ALKBH5: variants seen among roughly 807,000 people sequenced by gnomAD.
ALKBH5 encodes RNA demethylase ALKBH5.
ALKBH5 carries 2 observed loss-of-function variants against 32.1 expected under a neutral mutation model. That is an observed-to-expected ratio of 0.06 (90% confidence interval 0.03 to 0.20). The LOEUF (loss-of-function observed/expected upper bound fraction) is 0.20, where lower values mean the gene tolerates loss of function less well. ALKBH5 is among the 10% of genes least tolerant of loss of function. The probability of loss-of-function intolerance (pLI) is 1.00; values close to 1 mark genes in which losing one functional copy is unlikely to be tolerated. For synonymous variants in ALKBH5, 300 were observed against 231.7 expected (o/e 1.29, Z -2.68); for missense variants, 352 against 559.5 (o/e 0.63, Z 3.74).
intron 1 of ALKBH5, among the ~76,000 whole-genome samples, chr17:18,194,716 A>T (rs2142477031): frequency 6.6e-6 from 1 of 152,298 alleles, no homozygotes; most frequent in South Asian, 2.1e-4. Context: ...CCTCTGCCTT[A>T]AGTGGCCAAG....
At chr17:18,187,692 A>G (rs550512007) in intron 1 of ALKBH5, among the ~76,000 whole-genome samples, 31 of 152,256 alleles carry the variant, frequency 2.0e-4, no homozygotes, top group East Asian at 3.9e-4. Context: ...ACACCTGCCT[A>G]TTAGTAGTGC....
At chr17:18,191,990 T>C (rs994661514) in intron 1 of ALKBH5, among the ~76,000 whole-genome samples, 2 of 151,554 alleles carry the variant, frequency 1.3e-5, no homozygotes, top group African/African-American at 4.9e-5. Context: ...TGACAGCTCT[T>C]TGGGAAAGTA....
chr17:18,205,251 A>G (rs936401126), intron 2 of ALKBH5, among the ~76,000 whole-genome samples: 2 of 152,004 alleles, frequency 1.3e-5, no homozygotes, highest in Non-Finnish European at 2.9e-5. Context: ...CCGAGGAGGG[A>G]TGGTGACTAG....
At chr17:18,190,693 A>G (rs1256472634) in intron 1 of ALKBH5, among the ~76,000 whole-genome samples, 1 of 152,166 alleles carries the variant, frequency 6.6e-6, no homozygotes, top group Non-Finnish European at 1.5e-5. Context: ...CACACATTTC[A>G]TTTAGTGTCC....
At chr17:18,204,091 A>G (rs1305029808) in intron 2 of ALKBH5, among the ~76,000 whole-genome samples, 1 of 152,232 alleles carries the variant, frequency 6.6e-6, no homozygotes. Flanking sequence ...TATAAAGGCT[A>G]ACATTTTATT....
Position 18,208,347 on chromosome 17 carries a change from C to A in ALKBH5, c.1136C>A (p.Ser379Tyr). 2 of 1,613,966 alleles carry A rather than the reference C, an allele frequency of 1.2e-6. No homozygotes were observed. The highest frequency in any genetic ancestry group is 2.2e-5 in the South Asian group (2 of 91,074). ...TCATACGAGTCCTCAGAGGACTGCTCTGAGGCAGCAGGCAGCCCTGCCCGA... is the reference window on the plus strand; with the variant it reads ...TCATACGAGTCCTCAGAGGACTGCTATGAGGCAGCAGGCAGCCCTGCCCGA... ...RKSYESSEDC[S>Y]EAAGSPARKV... Residue 379 changes from serine (S) to tyrosine (Y), a missense_variant, in exon 4 of 4, where the codon TCT (serine) becomes TAT (tyrosine). Ser to Tyr is a moderately radical substitution (Grantham distance 144, BLOSUM62 -2). Around this residue, in one of 4 missense-constraint regions of ALKBH5, gnomAD observed 124 missense variants for 142.4 expected, o/e 0.87. Coordinates refer to ENST00000399138, the MANE Select transcript of ALKBH5 (RefSeq NM_017758.4).
At chr17:18,185,090 C>T in intron 1 of ALKBH5, 77 bp downstream of exon 1, 3 of 1,533,594 alleles carry the variant, frequency 2.0e-6, no homozygotes, top group South Asian at 1.2e-5. Context: ...AGCAGCAGCC[C>T]GTAGGAGTCT....
chr17:18,207,825 TA>T (rs2047278536), intron 3 of ALKBH5, among the ~76,000 whole-genome samples: 2 of 151,052 alleles, frequency 1.3e-5, no homozygotes, highest in African/African-American at 4.9e-5. Context: ...TTTCAGGGGG[TA>T]ATGGGGTTAG....
chr17:18,201,794 A>AGATGGGAT (rs1491101824), intron 2 of ALKBH5, among the ~76,000 whole-genome samples: 134 of 134,514 alleles, frequency 1.0e-3, no homozygotes, highest in African/African-American at 3.2e-3. Context: ...TAGGATAGAT[A>AGATGGGAT]AGATAGATAG....
intron 2 of ALKBH5, among the ~76,000 whole-genome samples, chr17:18,195,787 G>A (rs1042387834): frequency 7.2e-5 from 11 of 152,270 alleles, no homozygotes; most frequent in African/African-American, 2.4e-4. Context: ...AGAGGCAAGT[G>A]CCACCATACC....
At chr17:18,204,631 G>A (rs191879371) in intron 2 of ALKBH5, among the ~76,000 whole-genome samples, 2 of 152,102 alleles carry the variant, frequency 1.3e-5, no homozygotes, top group East Asian at 1.9e-4. Flanking sequence ...GTGTGGCAGC[G>A]GGTACCTATA....
At chr17:18,193,860 C>T (rs1365021603) in intron 1 of ALKBH5, among the ~76,000 whole-genome samples, 1 of 152,166 alleles carries the variant, frequency 6.6e-6, no homozygotes, top group Admixed American at 6.5e-5. Context: ...CTAAGCCATA[C>T]TTGTCCTACT....
intron 2 of ALKBH5, chr17:18,206,415 C>G (rs1424678777): frequency 6.1e-6 from 1 of 164,612 alleles, no homozygotes; most frequent in Non-Finnish European, 1.3e-5. Flanking sequence ...ACCAGGGATC[C>G]TTCCTGTGTT....
intron 1 of ALKBH5, among the ~76,000 whole-genome samples, chr17:18,187,873 A>G (rs1386588642): frequency 1.3e-5 from 2 of 152,082 alleles, no homozygotes; most frequent in Non-Finnish European, 2.9e-5. Flanking sequence ...GGCATCTTAG[A>G]CTTCAGTTGG....
At chr17:18,208,095 C>A in intron 3 of ALKBH5, 124 bp from the exon 4 acceptor site, 2 of 1,033,432 alleles carry the variant, frequency 1.9e-6, no homozygotes, top group Non-Finnish European at 2.8e-6. Context: ...TCTGCCAGGA[C>A]TACCCTTCGT....
In ALKBH5 at chr17:18,209,215, T is replaced by C. The variant is rs992469323; in HGVS notation, c.*819T>C. On this transcript the variant is annotated 3_prime_UTR_variant, in exon 4 of 4. Transcript: ENST00000399138. ...CGTTGGGTCAGTTTTAGAAATTGTT[T>C]CTAGCTAGAGGGACTGGTGTCCTTC... 4 of 152,736 alleles carry C rather than the reference T, an allele frequency of 2.6e-5. No individual in the cohort carries two copies. The highest frequency in any genetic ancestry group is 5.9e-5 in the Non-Finnish European group (4 of 68,086). The allele number at this position is 152,736 out of a possible 1,614,324, so 9.5% of individuals were successfully genotyped here.
Position 18,183,896 on chromosome 17 carries a change from T to G in ALKBH5, c.-348T>G. The G allele has an allele frequency of 4.3e-6, 2 of 469,126 alleles. No individual in the cohort carries two copies. Among genetic ancestry groups the G allele is most frequent in the South Asian group, 1.7e-5 (1 of 58,802 alleles). 29.1% of individuals were successfully genotyped at this position (469,126 alleles called of 1,614,324 possible). A position where few individuals can be genotyped will look rare whatever the true frequency, so the allele number is the denominator to read the frequency against. ...TGCCCGTGACGTCGTGCGGAGAGCT[T>G]TAAAGTGCGGGCCGGGCCGGGCGTC... On this transcript the variant is annotated 5_prime_UTR_variant, in exon 1 of 4. Coordinates refer to ENST00000399138, the MANE Select transcript of ALKBH5 (RefSeq NM_017758.4).
At chr17:18,191,760 A>G (rs1424039064) in intron 1 of ALKBH5, among the ~76,000 whole-genome samples, 1 of 152,110 alleles carries the variant, frequency 6.6e-6, no homozygotes, top group African/African-American at 2.4e-5. Context: ...ACGTGTGATC[A>G]GGAGATCGAG....
chr17:18,184,434 C>T lies in ALKBH5; in HGVS notation c.191C>T (p.Ser64Leu). 6.3e-7 allele frequency: 1 copy of T among 1,599,380 alleles called. No individual in the cohort carries two copies. The highest frequency in any genetic ancestry group is 1.1e-5 in the South Asian group (1 of 89,850). Residue 64 changes from serine to leucine, a missense_variant, in exon 1 of 4, where the codon TCG becomes TTG. Ser to Leu is a moderately radical substitution (Grantham distance 145, BLOSUM62 -2). Coordinates refer to ENST00000399138, the MANE Select transcript of ALKBH5 (RefSeq NM_017758.4). The part of the protein sequence containing the change: ...SGAKRKYQED[S>L]DPERSDYEEQ... ...GCCAAGCGCAAGTATCAGGAGGACT[C>T]GGACCCCGAGCGCAGCGACTATGAG...
Sources: gnomAD v4.1 joint callset for allele counts (sites outside exome capture counted in the v4.1 genomes callset) on GRCh38, gnomAD v4.1.1 for gene constraint, gnomAD v4.1.1 regional missense constraint, MANE v1.5 for transcripts, NCBI Gene and HGNC (gene_info 2026-07-23, HGNC 2026-07-21) for gene names.